The following ST3GAL3 variants were observed in gnomAD, a reference collection of about 807,000 sequenced individuals.
The protein encoded by ST3GAL3 is ST3 beta-galactoside alpha-2,3-sialyltransferase 3.
In ST3GAL3, 21 loss-of-function variants were observed where a neutral mutation model predicts 50.1. That is an observed-to-expected ratio of 0.42 (90% CI 0.30 to 0.60). The LOEUF (loss-of-function observed/expected upper bound fraction) is 0.60, where lower values mean the gene tolerates loss of function less well. ST3GAL3 is among the 20% of genes least tolerant of loss of function. The pLI is 0.19. For missense variants in ST3GAL3, 353 were observed against 489.4 expected, an observed-to-expected ratio of 0.72 and a Z score of 2.63; for synonymous variants, 183 against 190.0, an observed-to-expected ratio of 0.96 and a Z score of 0.30.
chr1:43,838,208 T>C lies in ST3GAL3; in HGVS notation c.210-11T>C, dbSNP rs1175007216. 1 of 1,604,280 alleles carries C rather than the reference T, an allele frequency of 6.2e-7. No homozygotes were observed. Among genetic ancestry groups the C allele is most frequent in the African/African-American group, 1.3e-5 (1 of 74,322 alleles). On this transcript the variant is annotated splice_polypyrimidine_tract_variant and intron_variant, in intron 4 of 11. Coordinates refer to ENST00000347631, the MANE Select transcript of ST3GAL3 (RefSeq NM_006279.5). The stretch of plus-strand genomic sequence containing the variant: ...GCCTGGCAAGCTGTAACTTTCCTTC[T>C]CTTCCCATAGGCCTGCTGAATTAGC...
At position 43,899,866 on chromosome 1, in the gene ST3GAL3, C is replaced by A; in HGVS notation, c.744+139C>A. The A allele has an allele frequency of 1.1e-6, 1 of 879,342 alleles. No individual in the cohort carries two copies. The highest frequency in any genetic ancestry group is 1.8e-6 in the Non-Finnish European group (1 of 545,240). 54.5% of individuals were successfully genotyped at this position (879,342 alleles called of 1,614,324 possible). Reference sequence around the variant, plus strand: ...TTAATGACCCAAAGCCGAAATCACCCAATGGCAACCAGGGGGCAAAGAGGT... The same window carrying A: ...TTAATGACCCAAAGCCGAAATCACCAAATGGCAACCAGGGGGCAAAGAGGT... On this transcript the variant is annotated intron_variant, in intron 9 of 11. Coordinates refer to ENST00000347631, the MANE Select transcript of ST3GAL3 (RefSeq NM_006279.5). This position sits in a 1 kb window ranked among gnomAD's most constrained non-coding sequence, Gnocchi z 5.4.
intron 2 of ST3GAL3, among the ~76,000 whole-genome samples, chr1:43,775,544 T>G (rs921134752): frequency 5.3e-5 from 8 of 152,200 alleles, no homozygotes; most frequent in Non-Finnish European, 4.4e-5. Context: ...GAAATCTGAA[T>G]TTTTATGTGA....
At chr1:43,757,025 C>A (rs1688382364) in intron 2 of ST3GAL3, among the ~76,000 whole-genome samples, 1 of 152,074 alleles carries the variant, frequency 6.6e-6, no homozygotes, top group Non-Finnish European at 1.5e-5. Flanking sequence ...TGGCTCAGCA[C>A]CCCCAAGTAC....
At chr1:43,907,330 C>T (rs1441259468) in intron 9 of ST3GAL3, among the ~76,000 whole-genome samples, 2 of 152,220 alleles carry the variant, frequency 1.3e-5, no homozygotes, top group African/African-American at 4.8e-5. Context: ...CCAGTGCTTT[C>T]CTTCAGATCC....
At chr1:43,929,982 C>T (rs904663118) in intron 11 of ST3GAL3, 150 bp from the exon 12 acceptor site, 8 of 772,720 alleles carry the variant, frequency 1.0e-5, no homozygotes, top group Middle Eastern at 2.2e-4. Flanking sequence ...TCATCATTAC[C>T]GTGTAGACAC....
chr1:43,762,875 G>T (rs1191152629), intron 2 of ST3GAL3, among the ~76,000 whole-genome samples: 1 of 152,118 alleles, frequency 6.6e-6, no homozygotes, highest in South Asian at 2.1e-4. Context: ...CCAAGGAGGG[G>T]TAAGCAGGAG....
chr1:43,909,894 A>G (rs1182690018), intron 9 of ST3GAL3, among the ~76,000 whole-genome samples: 1 of 152,248 alleles, frequency 6.6e-6, no homozygotes, highest in African/African-American at 2.4e-5. Flanking sequence ...TAACCTTCCT[A>G]GCAGTCAGAG....
chr1:43,912,806 G>A (rs1037127514), intron 9 of ST3GAL3: 1 of 152,240 alleles, frequency 6.6e-6, no homozygotes, highest in Non-Finnish European at 1.5e-5. Context: ...TGCATCAGCA[G>A]GAGTCTGGCA....
intron 2 of ST3GAL3, among the ~76,000 whole-genome samples, chr1:43,756,100 C>CAAAAAAAAAAA (rs139101819): frequency 9.7e-5 from 7 of 72,038 alleles, no homozygotes; most frequent in African/African-American, 3.7e-4. Flanking sequence ...GAACCAGTCT[C>CAAAAAAAAAAA]AAAAAAAAAA....
At chr1:43,740,775 C>G (rs1239999856) in intron 2 of ST3GAL3, among the ~76,000 whole-genome samples, 2 of 151,738 alleles carry the variant, frequency 1.3e-5, no homozygotes, top group Non-Finnish European at 2.9e-5. Flanking sequence ...ATGATTGTGC[C>G]ACTGTACTCT....
intron 2 of ST3GAL3, among the ~76,000 whole-genome samples, chr1:43,747,181 G>A (rs1236289800): frequency 2.6e-5 from 4 of 152,144 alleles, no homozygotes; most frequent in Non-Finnish European, 5.9e-5. Context: ...AGGCCAAGGC[G>A]GGCAGATCAC....
At chr1:43,808,639 G>A (rs147591048) in intron 3 of ST3GAL3, among the ~76,000 whole-genome samples, 61 of 152,288 alleles carry the variant, frequency 4.0e-4, no homozygotes, top group Admixed American at 9.8e-4. Context: ...CCAAGAGTCC[G>A]AAGCTGAGGT....
In ST3GAL3 at chr1:43,790,797, A is replaced by AT. The variant is rs1052367842; in HGVS notation, c.119-1293dup. Among the ~76,000 whole-genome samples the AT allele has an allele frequency of 5.0e-3, 735 of 146,486 alleles. 5 individuals are homozygous for AT. The highest frequency in any genetic ancestry group is 0.016 in the African/African-American group (655 of 40,058). ...CAGGCACGCGTACCACGCCCAGCTA[A>AT]TTTTTTTTTTTTGTATTTTTAGTAG... On this transcript the variant is annotated intron_variant, in intron 2 of 11. Transcript: ENST00000347631.
rs185301247 is a variant in ST3GAL3, at chr1:43,915,281, G to C, written c.745-5123G>C. On this transcript the variant is annotated intron_variant, in intron 9 of 11. Transcript: ENST00000347631. ...TAACCGTCACTGATGCCTCTTTGCT[G>C]TCTGTGCTGTGCCACGCCCTGGGCT... Among the ~76,000 whole-genome samples, 4 of 152,314 alleles carry C rather than the reference G, an allele frequency of 2.6e-5. No individual in the cohort carries two copies. In the East Asian group the frequency reaches 7.7e-4, roughly 29 times the overall value.
chr1:43,922,902 C>T (rs1476184729), intron 11 of ST3GAL3, among the ~76,000 whole-genome samples: 1 of 151,500 alleles, frequency 6.6e-6, no homozygotes, highest in African/African-American at 2.4e-5. Context: ...AAGATCGAGA[C>T]CATCCTGGCT....
At chr1:43,756,116 A>AAAAAAAAAAAAAAAG (rs763780680) in intron 2 of ST3GAL3, among the ~76,000 whole-genome samples, 1 of 136,816 alleles carries the variant, frequency 7.3e-6, no homozygotes, top group Non-Finnish European at 1.6e-5. Flanking sequence ...AAAAAAAAAA[A>AAAAAAAAAAAAAAAG]AAGAAGAAGA....
chr1:43,748,303 A>G (rs1405288361), intron 2 of ST3GAL3, among the ~76,000 whole-genome samples: 2 of 152,162 alleles, frequency 1.3e-5, no homozygotes, highest in Admixed American at 6.5e-5. Flanking sequence ...TACACTGAAA[A>G]CTATAAAAAT....
chr1:43,904,063 A>G (rs148040212), intron 9 of ST3GAL3, among the ~76,000 whole-genome samples: 4 of 152,260 alleles, frequency 2.6e-5, no homozygotes, highest in African/African-American at 9.6e-5. Context: ...CAATTATCCC[A>G]GGGAGCAAAG....
intron 5 of ST3GAL3, among the ~76,000 whole-genome samples, chr1:43,865,380 A>G (rs1424960809): frequency 6.6e-6 from 1 of 152,028 alleles, no homozygotes; most frequent in Non-Finnish European, 1.5e-5. Flanking sequence ...AGTGAAAGAA[A>G]TTTTTTCATT....
Sources: allele counts gnomAD v4.1 joint callset (sites outside exome capture counted in the v4.1 genomes callset), GRCh38; gene constraint gnomAD v4.1.1; non-coding constraint Gnocchi (gnomAD v3.1); transcripts MANE v1.5; gene names NCBI Gene and HGNC (gene_info 2026-07-23, HGNC 2026-07-21).